The following PRAMEF14 variants were observed in gnomAD, a reference collection of about 807,000 sequenced individuals.
PRAMEF14 encodes PRAME family member 14.
PRAMEF14 carries 24 observed loss-of-function variants against 38.3 expected under a neutral mutation model. The observed-to-expected ratio is 0.63, with a 90% CI of 0.45 to 0.88. PRAMEF14 has a LOEUF of 0.88. Ranked by LOEUF, PRAMEF14 falls within the 40% of genes least tolerant of loss-of-function variation. The probability of loss-of-function intolerance (pLI) is 0.00; values close to 1 mark genes in which losing one functional copy is unlikely to be tolerated. For synonymous variants in PRAMEF14, 194 were observed against 226.4 expected (o/e 0.86, Z 1.29); for missense variants, 477 against 570.8 (o/e 0.84, Z 1.67).
At chr1:13,343,361 TTA>T (rs1640357285) in intron 3 of PRAMEF14, among the ~76,000 whole-genome samples, 1 of 149,530 alleles carries the variant, frequency 6.7e-6, no homozygotes, top group Non-Finnish European at 1.5e-5. Context: ...GCAGAAAACT[TTA>T]TCTCTGGGCT....
chr1:13,344,135 T>G lies in PRAMEF14; in HGVS notation c.769A>C (p.Thr257Pro). 2 of 1,603,172 alleles carry G rather than the reference T, an allele frequency of 1.2e-6. No individual in the cohort carries two copies. Among genetic ancestry groups the G allele is most frequent in the Non-Finnish European group, 1.7e-6 (2 of 1,175,284 alleles). Residue 257 changes from threonine (T) to proline (P), a missense_variant, in exon 3 of 4, where the codon ACC becomes CCC. By Grantham distance (38) the Thr-to-Pro change is conservative (BLOSUM62 -1). Transcript: ENST00000334600. The part of the protein sequence containing the change: ...SDNELEGRLV[T>P]KFSSVFLRLE... ...CTGAGGAACACAGAGCTGAATTTGG[T>G]GACTAACCGTCCTTCGAGTTCATTA...
Position 13,346,455 on chromosome 1 carries a change from C to G in PRAMEF14, c.-26+602G>C, listed in dbSNP as rs1372174486. 4.0e-5 allele frequency among the ~76,000 whole-genome samples: 6 copies of G among 150,440 alleles called. 1 individual carries two copies. The highest frequency in any genetic ancestry group is 4.3e-4 in the South Asian group (2 of 4,692). The stretch of plus-strand genomic sequence containing the variant: ...ACTAGGAGGCAGAAATTTCAGTGAG[C>G]CAAATCACACCATGGCACTGCAGCC... On this transcript the variant is annotated intron_variant, in intron 1 of 3. Coordinates refer to ENST00000334600, the MANE Select transcript of PRAMEF14 (RefSeq NM_001024661.2).
chr1:13,346,328 C>T (rs1437031268), intron 1 of PRAMEF14, among the ~76,000 whole-genome samples: 3 of 151,184 alleles, frequency 2.0e-5, no homozygotes, highest in Admixed American at 6.6e-5. Flanking sequence ...GCCAACATGG[C>T]AAAACCCTGT....
At position 13,343,879 on chromosome 1, in the gene PRAMEF14, G is replaced by T. The variant is rs1640365303; in HGVS notation, c.866+159C>A. On this transcript the variant is annotated intron_variant, in intron 3 of 3. Coordinates refer to ENST00000334600, the MANE Select transcript of PRAMEF14 (RefSeq NM_001024661.2). ...GAGCGTTCCTGTGATAGCCACTCCA[G>T]GACATGGAACACTGAATGGGACAAT... 1.9e-5 allele frequency: 28 copies of T among 1,509,334 alleles called. 2 individuals are homozygous for T. In the South Asian group the frequency reaches 3.2e-4, roughly 17 times the overall value. The allele number at this position is 1,509,334 out of a possible 1,614,324, so 93.5% of individuals were successfully genotyped here. A position where few individuals can be genotyped will look rare whatever the true frequency, so the allele number is the denominator to read the frequency against.
rs1273454607 is a variant in PRAMEF14 at position 13,343,064 on chromosome 1, T to A, written c.889A>T (p.Asn297Tyr). Residue 297 changes from asparagine to tyrosine, a missense_variant, in exon 4 of 4, where the codon AAC (asparagine) becomes TAC (tyrosine). Asn to Tyr is a moderately radical substitution (Grantham distance 143, BLOSUM62 -2). This residue lies in a region of PRAMEF14 where 234 missense variants were observed against 247.4 expected (regional missense o/e 0.95). Transcript: ENST00000334600. ...LIRCLQNPLE[N>Y]LELTYGYLLE... ...AGGTAGCCATAAGTTAATTCCAAGT[T>A]CTCCAAGGGGTTCTGGAGGCACCTG... 102 of 1,611,868 alleles carry A rather than the reference T, an allele frequency of 6.3e-5. No individual in the cohort carries two copies. The highest frequency in any genetic ancestry group is 3.4e-4 in the Middle Eastern group (2 of 5,882).
chr1:13,344,231 G>C lies in PRAMEF14; in HGVS notation c.673C>G (p.Arg225Gly). The C allele has an allele frequency of 6.2e-7, 1 of 1,608,624 alleles. No individual in the cohort carries two copies. Among genetic ancestry groups the C allele is most frequent in the Non-Finnish European group, 8.5e-7 (1 of 1,178,610 alleles). ...TTCTTCATCTCCTTCAGGTAACAAC[G>C]AAGCTTTCTTATCAGACGTGGCCAG... Reference protein sequence around the residue: ...MSWPRLIRKLRCYLKEMKNLR... With the variant: ...MSWPRLIRKLGCYLKEMKNLR... Residue 225 changes from arginine to glycine, a missense_variant, in exon 3 of 4, where the codon CGT (arginine) becomes GGT (glycine). This residue lies in a region of PRAMEF14 where 234 missense variants were observed against 247.4 expected (regional missense o/e 0.95). Transcript: ENST00000334600.
chr1:13,345,517 T>C (rs1170114732), intron 1 of PRAMEF14, among the ~76,000 whole-genome samples, 178 bp from the exon 2 acceptor site: 4 of 150,768 alleles, frequency 2.7e-5, no homozygotes, highest in African/African-American at 9.7e-5. Context: ...ACACTGCCAC[T>C]GAGGATCCTG....
intron 1 of PRAMEF14, 84 bp from the exon 2 acceptor site, chr1:13,345,423 C>T: frequency 2.1e-6 from 3 of 1,404,546 alleles, no homozygotes; most frequent in Non-Finnish European, 2.9e-6. Context: ...AGAATGTCTT[C>T]CAAACACCAA....
Position 13,342,215 on chromosome 1 carries a change from T to G in PRAMEF14, c.*313A>C, listed in dbSNP as rs1553125274. Reference sequence around the variant, plus strand: ...CCTTGCCCCCTGCTGTTATGTTTTTTTCCCTCACACTGAGCACTTCCCTGT... The same window carrying G: ...CCTTGCCCCCTGCTGTTATGTTTTTGTCCCTCACACTGAGCACTTCCCTGT... On this transcript the variant is annotated 3_prime_UTR_variant, in exon 4 of 4. Coordinates refer to ENST00000334600, the MANE Select transcript of PRAMEF14 (RefSeq NM_001024661.2). 2.4e-6 allele frequency: 1 copy of G among 419,378 alleles called. No homozygotes were observed. Among genetic ancestry groups the G allele is most frequent in the Non-Finnish European group, 4.1e-6 (1 of 241,634 alleles). The allele number at this position is 419,378 out of a possible 1,614,324, so 26.0% of individuals were successfully genotyped here.
chr1:13,344,887 A>G (rs2100353439), intron 2 of PRAMEF14, 141 bp downstream of exon 2: 3 of 1,533,908 alleles, frequency 2.0e-6, no homozygotes, highest in South Asian at 1.2e-5. Context: ...GGATCTGGAC[A>G]ATGGCCAAAG....
rs1465078833 is a variant in PRAMEF14 at position 13,343,040 on chromosome 1, G to A, written c.913C>T (p.Leu305=). The change falls in exon 4 of 4, where the codon CTA becomes TTA. Residue 305 remains leucine (L), a synonymous_variant. Transcript: ENST00000334600. ...LENLELTYGY[L]LEEDMKCLSQ... ...AGACACTTCATGTCTTCTTCCAATA[G>A]GTAGCCATAAGTTAATTCCAAGTTC... The A allele has an allele frequency of 6.8e-6, 11 of 1,612,092 alleles. No individual in the cohort carries two copies. The highest frequency in any genetic ancestry group is 1.3e-5 in the African/African-American group (1 of 74,858).
chr1:13,345,444 G>C, intron 1 of PRAMEF14, 105 bp from the exon 2 acceptor site: 1 of 1,351,396 alleles, frequency 7.4e-7, no homozygotes, highest in Non-Finnish European at 1.0e-6. Context: ...GGAGGGAGGG[G>C]TCAAGGAGAC....
chr1:13,343,800 G>C (rs1640364075), intron 3 of PRAMEF14: 1 of 1,461,168 alleles, frequency 6.8e-7, no homozygotes, highest in Admixed American at 2.2e-5. Context: ...TAACTAGCTT[G>C]TACATGATGT....
Position 13,344,259 on chromosome 1 carries a change from C to T in PRAMEF14, c.645G>A (p.Met215Ile). The change falls in exon 3 of 4, where the codon ATG (methionine) becomes ATA (isoleucine). Residue 215 changes from methionine (M) to isoleucine (I), a missense_variant. This residue lies in a region of PRAMEF14 where 234 missense variants were observed against 247.4 expected (regional missense o/e 0.95). Coordinates refer to ENST00000334600, the MANE Select transcript of PRAMEF14 (RefSeq NM_001024661.2). The stretch of plus-strand genomic sequence containing the variant: ...GCTTTCTTATCAGACGTGGCCAGGA[C>T]ATGTTGCGAATTTCCAGCTGTTGAA... The part of the protein sequence containing the change: ...NSIQQLEIRN[M>I]SWPRLIRKLR... 9.3e-6 allele frequency: 15 copies of T among 1,606,148 alleles called. 1 individual carries two copies. The highest frequency in any genetic ancestry group is 1.3e-5 in the Non-Finnish European group (15 of 1,177,022).
At position 13,344,236 on chromosome 1, in the gene PRAMEF14, T is replaced by C. The variant is rs1640370911; in HGVS notation, c.668A>G (p.Lys223Arg). ...RNMSWPRLIR[K>R]LRCYLKEMKN... ...CATCTCCTTCAGGTAACAACGAAGC[T>C]TTCTTATCAGACGTGGCCAGGACAT... The change falls in exon 3 of 4, where the codon AAG becomes AGG. Residue 223 changes from lysine (K) to arginine (R), a missense_variant. Lys to Arg is a conservative substitution (Grantham distance 26, BLOSUM62 2). Around this residue, in one of 4 missense-constraint regions of PRAMEF14, gnomAD observed 234 missense variants for 247.4 expected, o/e 0.95. Transcript: ENST00000334600. 12 of 1,608,542 alleles carry C rather than the reference T, an allele frequency of 7.5e-6. 1 individual carries two copies. Among genetic ancestry groups the C allele is most frequent in the African/African-American group, 1.3e-5 (1 of 74,722 alleles).
Position 13,342,982 on chromosome 1 carries a change from T to G in PRAMEF14, c.971A>C (p.His324Pro). ...CAGCAGCACGTAGCTGAGATTCAGA[T>G]GCTTTAGGTAACCGAGGCTTGGGTA... ...SQYPSLGYLKHLNLSYVLLFR... is the reference protein window; with the variant it reads ...SQYPSLGYLKPLNLSYVLLFR... The change falls in exon 4 of 4, where the codon CAT becomes CCT. Residue 324 changes from histidine (H) to proline (P), a missense_variant. By Grantham distance (77) the His-to-Pro change is moderately conservative. Transcript: ENST00000334600. The G allele has an allele frequency of 1.9e-6, 3 of 1,610,172 alleles. No individual in the cohort carries two copies. The highest frequency in any genetic ancestry group is 1.9e-4 in the Middle Eastern group (1 of 5,338).
At position 13,345,032 on chromosome 1, in the gene PRAMEF14, G is replaced by A. The variant is rs1640382812; in HGVS notation, c.283C>T (p.Pro95Ser). 4.7e-5 allele frequency: 72 copies of A among 1,545,104 alleles called. 1 individual carries two copies. In the South Asian group the frequency reaches 8.1e-4, roughly 17 times the overall value. The change falls in exon 2 of 4, where the codon CCC becomes TCC. Residue 95 changes from proline to serine, a missense_variant. By Grantham distance (74) the Pro-to-Ser change is moderately conservative. Coordinates refer to ENST00000334600, the MANE Select transcript of PRAMEF14 (RefSeq NM_001024661.2). ...AGCCCTCCTGGGTCACCTCACCTGG[G>A]GCGATCCTTCTGTGTAAGCAGCATA... The part of the protein sequence containing the change: ...LHMLLTQKDR[P>S]RRWKLQVLDL...
chr1:13,345,455 C>T (rs1300915170), intron 1 of PRAMEF14, 116 bp from the exon 2 acceptor site: 7 of 1,324,810 alleles, frequency 5.3e-6, no homozygotes, highest in Non-Finnish European at 7.2e-6. Flanking sequence ...TCAAGGAGAC[C>T]ACTGGCTTAT....
Position 13,342,612 on chromosome 1 carries a change from G to C in PRAMEF14, c.1341C>G (p.Pro447=). 6.2e-7 allele frequency: 1 copy of C among 1,604,732 alleles called. No homozygotes were observed. Among genetic ancestry groups the C allele is most frequent in the Non-Finnish European group, 8.5e-7 (1 of 1,177,866 alleles). ...LMCTLREVRQ[P]KRIFIGPTPC... is the part of the protein sequence containing the mutation. ...GGGTGGGACCAATGAAGATCCTCTT[G>C]GGCTGCCTGACTTCCCTCAGTGTAC... is the stretch of plus-strand genomic sequence containing the variant. Residue 447 remains proline, a synonymous_variant, in exon 4 of 4, where the codon CCC becomes CCG. Coordinates refer to ENST00000334600, the MANE Select transcript of PRAMEF14 (RefSeq NM_001024661.2).
Sources: gnomAD v4.1 joint callset for allele counts (sites outside exome capture counted in the v4.1 genomes callset) on GRCh38, gnomAD v4.1.1 for gene constraint, gnomAD v4.1.1 regional missense constraint, MANE v1.5 for transcripts, NCBI Gene and HGNC (gene_info 2026-07-23, HGNC 2026-07-21) for gene names.